Variants in LRRK2 observed in about 807,000 individuals in gnomAD.
LRRK2 encodes leucine rich repeat kinase 2.
LRRK2 carries 203 observed loss-of-function variants against 302.6 expected under a neutral mutation model. That is an observed-to-expected ratio of 0.67 (90% CI 0.60 to 0.75). The LOEUF is 0.75. Among genes scored for constraint, LRRK2 ranks in the 30% least tolerant of loss-of-function variants. The pLI is 0.00. For synonymous variants in LRRK2, 1,066 were observed against 1,031.9 expected (o/e 1.03, Z -0.63); for missense variants, 2,830 against 2,951.0 (o/e 0.96, Z 0.95).
intron 46 of LRRK2, among the ~76,000 whole-genome samples, chr12:40,357,723 T>G (rs531233654): frequency 2.6e-5 from 4 of 152,304 alleles, no homozygotes; most frequent in African/African-American, 9.6e-5. Context: ...CATATATCCA[T>G]TGGCCATTAC....
chr12:40,257,226 G>GCATATTTATAAAATCTA, intron 11 of LRRK2, 22 bp from the exon 12 acceptor site: 1 of 1,480,662 alleles, frequency 6.8e-7, no homozygotes, highest in Non-Finnish European at 9.4e-7. Flanking sequence ...ATATCTATAA[G>GCATATTTATAAAATCTA]TAACATTTTA....
At position 40,367,045 on chromosome 12, in the gene LRRK2, G is replaced by T. The variant is rs146428335; in HGVS notation, c.7430G>T (p.Arg2477Leu). ...GTCATGCTGGTATTGGGCTACAACC[G>T]GAAAAATACTGAAGGTACACAAAAG... ...KNVMLVLGYNRKNTEGTQKQK... is the reference protein window; with the variant it reads ...KNVMLVLGYNLKNTEGTQKQK... The change falls in exon 50 of 51, where the codon CGG (arginine) becomes CTG (leucine). Residue 2477 changes from arginine to leucine, a missense_variant. Arg to Leu is a moderately radical substitution (Grantham distance 102). Coordinates refer to ENST00000298910, the MANE Select transcript of LRRK2 (RefSeq NM_198578.4). 5 of 1,607,686 alleles carry T rather than the reference G, an allele frequency of 3.1e-6. No individual in the cohort carries two copies. The highest frequency in any genetic ancestry group is 3.3e-4 in the Middle Eastern group (2 of 6,038).
rs1442049869 is a variant in LRRK2 at position 40,225,615 on chromosome 12, A to G, written c.212A>G (p.Tyr71Cys). ...HVPLLIVLDS[Y>C]MRVASVQQVG... ...CCTCTGTTGATCGTCTTGGACTCCT[A>G]TATGAGAGTCGCGAGTGTGCAGCAG... The change falls in exon 2 of 51, where the codon TAT (tyrosine) becomes TGT (cysteine). Residue 71 changes from tyrosine to cysteine, a missense_variant. Tyr to Cys is a radical substitution (Grantham distance 194). Around this residue, in one of 3 missense-constraint regions of LRRK2, gnomAD observed 2,121 missense variants for 2,148.0 expected, o/e 0.99. Coordinates refer to ENST00000298910, the MANE Select transcript of LRRK2 (RefSeq NM_198578.4). 7 of 1,613,942 alleles carry G rather than the reference A, an allele frequency of 4.3e-6. No individual in the cohort carries two copies. Among genetic ancestry groups the G allele is most frequent in the African/African-American group, 1.3e-5 (1 of 74,914 alleles).
chr12:40,291,318 C>T (rs532220404), intron 20 of LRRK2, among the ~76,000 whole-genome samples: 68 of 151,772 alleles, frequency 4.5e-4, no homozygotes, highest in African/African-American at 1.4e-3. Flanking sequence ...TTAGGAGATA[C>T]ACCTAATGTA....
intron 26 of LRRK2, 52 bp from the exon 27 acceptor site, chr12:40,303,896 T>C (rs1450429649): frequency 2.0e-6 from 3 of 1,532,018 alleles, no homozygotes; most frequent in Middle Eastern, 1.7e-4. Flanking sequence ...TGTTATTTCA[T>C]GTATTTTGGA....
Position 40,351,604 on chromosome 12 carries a change from C to G in LRRK2, c.6447C>G (p.Asn2149Lys), listed in dbSNP as rs199733811. The G allele has an allele frequency of 1.2e-6, 2 of 1,614,016 alleles. No homozygotes were observed. The highest frequency in any genetic ancestry group is 4.5e-5 in the East Asian group (2 of 44,868). Residue 2149 changes from asparagine to lysine, a missense_variant, in exon 44 of 51, where the codon AAC (asparagine) becomes AAG (lysine). By Grantham distance (94) the Asn-to-Lys change is moderately conservative (BLOSUM62 0). This residue lies in a region of LRRK2 where 456 missense variants were observed against 456.3 expected (regional missense o/e 1.00). Transcript: ENST00000298910. The stretch of plus-strand genomic sequence containing the variant: ...CGAGACGCATTTTATTACCTAAAAA[C>G]GTAATTGTTGAATGCATGGTTGCTA... The part of the protein sequence containing the change: ...CLTRRILLPK[N>K]VIVECMVATH...
intron 13 of LRRK2, 30 bp from the exon 14 acceptor site, chr12:40,263,759 C>G (rs749379798): frequency 5.4e-6 from 8 of 1,480,172 alleles, no homozygotes; most frequent in Non-Finnish European, 7.5e-6. Flanking sequence ...TAAGAAAATT[C>G]TTTCTTTATT....
chr12:40,228,006 T>A (rs940670966), intron 2 of LRRK2: 1 of 152,182 alleles, frequency 6.6e-6, no homozygotes, highest in South Asian at 2.1e-4. Flanking sequence ...ATAAGGTGAT[T>A]CTGTATTTTA....
rs576658470 is a variant in LRRK2, at chr12:40,273,434, T to G, written c.1657-1149T>G. Among the ~76,000 whole-genome samples, 33 of 152,310 alleles carry G rather than the reference T, an allele frequency of 2.2e-4. No individual in the cohort carries two copies. In the South Asian group the frequency reaches 5.2e-3, roughly 24 times the overall value. ...AGTAGAAGGACACAGGGTGAGAAACTGATGCTTCTCCTCAGCCTCTATAAA... is the reference window on the plus strand; with the variant it reads ...AGTAGAAGGACACAGGGTGAGAAACGGATGCTTCTCCTCAGCCTCTATAAA... On this transcript the variant is annotated intron_variant, in intron 14 of 50. Coordinates refer to ENST00000298910, the MANE Select transcript of LRRK2 (RefSeq NM_198578.4).
At chr12:40,295,129 CT>C (rs545878512) in intron 22 of LRRK2, among the ~76,000 whole-genome samples, 8 of 150,830 alleles carry the variant, frequency 5.3e-5, no homozygotes, top group Admixed American at 6.6e-5. Flanking sequence ...ACACATTAGT[CT>C]TTTTTTTTAC....
chr12:40,246,891 A>G (rs143930259), intron 7 of LRRK2, among the ~76,000 whole-genome samples: 1 of 152,200 alleles, frequency 6.6e-6, no homozygotes, highest in East Asian at 1.9e-4. Flanking sequence ...CTGCCCCTCA[A>G]CACACACCTT....
At chr12:40,350,990 G>A (rs371114015) in intron 43 of LRRK2, among the ~76,000 whole-genome samples, 1 of 152,130 alleles carries the variant, frequency 6.6e-6, no homozygotes, top group Non-Finnish European at 1.5e-5. Context: ...GGCTTTCTTG[G>A]TGTCTCCTGA....
chr12:40,362,550 G>T (rs1411794047), intron 47 of LRRK2, among the ~76,000 whole-genome samples: 7 of 151,896 alleles, frequency 4.6e-5, no homozygotes, highest in Admixed American at 4.6e-4. Flanking sequence ...TCTAGTGTGA[G>T]GGATGCACTA....
chr12:40,238,086 A>G lies in LRRK2; in HGVS notation c.554A>G (p.His185Arg). ...CAGAAACTTGGATGCAAAGCTTTAC[A>G]TGTGCTGTTTGAGAGAGGTATTTTA... ...EVQKLGCKAL[H>R]VLFERVSEEQ... is the part of the protein sequence containing the mutation. Residue 185 changes from histidine (H) to arginine (R), a missense_variant, in exon 5 of 51, where the codon CAT becomes CGT. His to Arg is a conservative substitution (Grantham distance 29). Transcript: ENST00000298910. 2.5e-6 allele frequency: 4 copies of G among 1,613,682 alleles called. No individual in the cohort carries two copies. Among genetic ancestry groups the G allele is most frequent in the Non-Finnish European group, 3.4e-6 (4 of 1,179,768 alleles).
rs111545034 is a variant in LRRK2, at chr12:40,240,398, A to T, written c.572-85A>T. On this transcript the variant is annotated intron_variant, in intron 5 of 50. Coordinates refer to ENST00000298910, the MANE Select transcript of LRRK2 (RefSeq NM_198578.4). ...GATTACACTTGATGTATCTCACACA[A>T]CTATAATGAATATTGTAATTTTTGA... 30 of 1,257,518 alleles carry T rather than the reference A, an allele frequency of 2.4e-5. 2 individuals carry two copies. The African/African-American group carries it at 3.7e-4, about 16-fold the overall frequency. 77.9% of individuals were successfully genotyped at this position (1,257,518 alleles called of 1,614,324 possible). A position where few individuals can be genotyped will look rare whatever the true frequency, so the allele number is the denominator to read the frequency against.
chr12:40,260,252 C>G (rs545217998), intron 13 of LRRK2, among the ~76,000 whole-genome samples: 1 of 151,918 alleles, frequency 6.6e-6, no homozygotes, highest in East Asian at 1.9e-4. Context: ...ATTATAGGAG[C>G]TTAGAGGTAG....
At chr12:40,313,808 C>T (rs1945113232) in intron 31 of LRRK2, among the ~76,000 whole-genome samples, 164 bp from the exon 32 acceptor site, 1 of 151,618 alleles carries the variant, frequency 6.6e-6, no homozygotes, top group Non-Finnish European at 1.5e-5. Context: ...GTACTTGTTC[C>T]TTACAACCTA....
intron 25 of LRRK2, chr12:40,300,774 T>C: frequency 2.1e-6 from 1 of 471,092 alleles, no homozygotes; most frequent in Non-Finnish European, 4.4e-6. Flanking sequence ...ATGGCATAAA[T>C]AAATGTAATT....
Position 40,354,412 on chromosome 12 carries a change from A to G in LRRK2, c.6690A>G (p.Glu2230=). 2 of 1,614,188 alleles carry G rather than the reference A, an allele frequency of 1.2e-6. No individual in the cohort carries two copies. The highest frequency in any genetic ancestry group is 1.7e-6 in the Non-Finnish European group (2 of 1,180,024). Residue 2230 remains glutamate, a synonymous_variant, in exon 45 of 51, where the codon GAA becomes GAG. Coordinates refer to ENST00000298910, the MANE Select transcript of LRRK2 (RefSeq NM_198578.4). The part of the protein sequence containing the change: ...QSGTLLVINT[E]DGKKRHTLEK... Reference sequence around the variant, plus strand: ...GTACTCTCCTGGTCATCAATACCGAAGATGGGAAAAAGAGACATACCCTAG... The same window carrying G: ...GTACTCTCCTGGTCATCAATACCGAGGATGGGAAAAAGAGACATACCCTAG...
Sources: gnomAD v4.1 joint callset for allele counts (sites outside exome capture counted in the v4.1 genomes callset) on GRCh38, gnomAD v4.1.1 for gene constraint, gnomAD v4.1.1 regional missense constraint, MANE v1.5 for transcripts, NCBI Gene and HGNC (gene_info 2026-07-23, HGNC 2026-07-21) for gene names.